GLDC: variants seen among roughly 807,000 people sequenced by gnomAD.
GLDC encodes the protein glycine decarboxylase.
A neutral mutation model predicts 121.3 loss-of-function variants in GLDC; 104 were observed. The ratio of observed to expected loss-of-function variants is 0.86; its 90% CI spans 0.73 to 1.01. The LOEUF (loss-of-function observed/expected upper bound fraction) is 1.01. GLDC is among the 50% of genes least tolerant of loss of function. The pLI is 0.00. For synonymous variants in GLDC, 546 were observed against 480.6 expected (o/e 1.14, Z -1.78); for missense variants, 1,429 against 1,306.6 (o/e 1.09, Z -1.44).
intron 9 of GLDC, among the ~76,000 whole-genome samples, chr9:6,594,304 G>T (rs1247872848): frequency 6.6e-6 from 1 of 151,654 alleles, no homozygotes; most frequent in African/African-American, 2.4e-5. Context: ...TTCTATTAGG[G>T]TGTTCATCCT....
intron 15 of GLDC, among the ~76,000 whole-genome samples, chr9:6,569,953 G>A (rs964154974): frequency 6.6e-6 from 1 of 152,186 alleles, no homozygotes. Context: ...TCCAGCCTGG[G>A]CCACAGAGTG....
At chr9:6,583,154 G>A (rs1025390089) in intron 15 of GLDC, among the ~76,000 whole-genome samples, 6 of 151,998 alleles carry the variant, frequency 3.9e-5, no homozygotes, top group Admixed American at 1.3e-4. Flanking sequence ...AAGACAGTAC[G>A]GCGATTCCTC....
intron 16 of GLDC, among the ~76,000 whole-genome samples, chr9:6,560,953 C>T (rs1238798708): frequency 1.3e-5 from 2 of 152,136 alleles, no homozygotes; most frequent in Non-Finnish European, 1.5e-5. Context: ...ACAGAGGGAG[C>T]GGGAGATGTG....
intron 15 of GLDC, among the ~76,000 whole-genome samples, chr9:6,581,250 G>T (rs1266631109): frequency 6.6e-6 from 1 of 152,198 alleles, no homozygotes; most frequent in Non-Finnish European, 1.5e-5. Flanking sequence ...CAAATCGGAG[G>T]CATGTTCCAT....
intron 8 of GLDC, among the ~76,000 whole-genome samples, chr9:6,597,672 A>C (rs140031377): frequency 0.017 from 2,630 of 152,118 alleles, 71 homozygotes; most frequent in African/African-American, 0.06. Context: ...CATGGTGGCT[A>C]ACGCCTGTAA....
Position 6,588,701 on chromosome 9 carries a change from A to C in GLDC, c.1582T>G (p.Tyr528Asp). 1 of 1,608,024 alleles carries C rather than the reference A, an allele frequency of 6.2e-7. No homozygotes were observed. The highest frequency in any genetic ancestry group is 8.5e-7 in the Non-Finnish European group (1 of 1,174,404). The part of the protein sequence containing the change: ...PFLTHQVFNS[Y>D]HSETNIVRYM... ...CGGACAATGTTTGTTTCAGAGTGGT[A>C]GCTGTGAACACAAAACACAGAATTA... Residue 528 changes from tyrosine (Y) to aspartate (D), a missense_variant and splice_region_variant, in exon 13 of 25, where the codon TAC (tyrosine) becomes GAC (aspartate). Coordinates refer to ENST00000321612, the MANE Select transcript of GLDC (RefSeq NM_000170.3).
At chr9:6,630,566 A>C (rs970835626) in intron 2 of GLDC, among the ~76,000 whole-genome samples, 1 of 152,190 alleles carries the variant, frequency 6.6e-6, no homozygotes, top group Non-Finnish European at 1.5e-5. Flanking sequence ...CAATGTCACC[A>C]GTTTGAGAAA....
intron 2 of GLDC, among the ~76,000 whole-genome samples, chr9:6,635,027 C>G (rs560206033): frequency 6.6e-6 from 1 of 152,228 alleles, no homozygotes; most frequent in East Asian, 1.9e-4. Context: ...AACATTCTAA[C>G]CACATGGTCT....
At chr9:6,572,871 A>G (rs926496162) in intron 15 of GLDC, among the ~76,000 whole-genome samples, 3 of 152,204 alleles carry the variant, frequency 2.0e-5, no homozygotes, top group Non-Finnish European at 4.4e-5. Flanking sequence ...TAGGTGGCAC[A>G]TACTGTTAAA....
intron 3 of GLDC, among the ~76,000 whole-genome samples, chr9:6,613,934 A>AC (rs1297304408): frequency 6.6e-6 from 1 of 151,904 alleles, no homozygotes; most frequent in Non-Finnish European, 1.5e-5. Flanking sequence ...GTGACACCAC[A>AC]CCCAGCTAAA....
chr9:6,575,750 G>T (rs1313972597), intron 15 of GLDC, among the ~76,000 whole-genome samples: 1 of 152,162 alleles, frequency 6.6e-6, no homozygotes, highest in African/African-American at 2.4e-5. Flanking sequence ...ATCCATGGGA[G>T]GTGTTAATTA....
intron 4 of GLDC, among the ~76,000 whole-genome samples, chr9:6,607,310 C>A (rs980647920): frequency 1.3e-5 from 2 of 151,986 alleles, no homozygotes; most frequent in Non-Finnish European, 2.9e-5. Context: ...TGGACAGGTG[C>A]GGTGGCTCAC....
At chr9:6,620,565 C>T (rs950685989) in intron 2 of GLDC, among the ~76,000 whole-genome samples, 6 of 151,676 alleles carry the variant, frequency 4.0e-5, no homozygotes, top group South Asian at 2.1e-4. Context: ...GTTCCTTATT[C>T]GGTTCTGTTT....
At chr9:6,622,476 G>A (rs890024744) in intron 2 of GLDC, among the ~76,000 whole-genome samples, 3 of 151,828 alleles carry the variant, frequency 2.0e-5, no homozygotes, top group South Asian at 4.2e-4. Context: ...GCTCCTAACC[G>A]CGAGTGATCC....
At chr9:6,616,839 T>A (rs73402968) in intron 3 of GLDC, among the ~76,000 whole-genome samples, 5,518 of 152,302 alleles carry the variant, frequency 0.036, 324 homozygotes, top group African/African-American at 0.12. Flanking sequence ...GGCTGTGACT[T>A]TCTTTTGGAA....
chr9:6,644,057 A>AAAAACG (rs1819686892), intron 2 of GLDC, among the ~76,000 whole-genome samples: 1 of 147,228 alleles, frequency 6.8e-6, no homozygotes, highest in African/African-American at 2.5e-5. Flanking sequence ...AAAACGAAAA[A>AAAAACG]AAAAAGAAAA....
intron 2 of GLDC, among the ~76,000 whole-genome samples, chr9:6,629,921 G>A (rs1819326081): frequency 9.4e-6 from 1 of 106,668 alleles, no homozygotes; most frequent in Admixed American, 1.0e-4. Flanking sequence ...AGGGAGGCTT[G>A]CTTTTCACTA....
intron 21 of GLDC, among the ~76,000 whole-genome samples, chr9:6,546,119 A>T (rs1487229856): frequency 1.3e-5 from 2 of 152,044 alleles, no homozygotes; most frequent in Non-Finnish European, 2.9e-5. Context: ...CTTTTTTGTT[A>T]AAAACTAAGA....
intron 21 of GLDC, among the ~76,000 whole-genome samples, chr9:6,544,022 C>T (rs986545362): frequency 6.6e-6 from 1 of 152,126 alleles, no homozygotes; most frequent in Non-Finnish European, 1.5e-5. Flanking sequence ...AATAGGGCTG[C>T]TCAAAACCCT....
Sources: allele counts gnomAD v4.1 joint callset (sites outside exome capture counted in the v4.1 genomes callset), GRCh38; gene constraint gnomAD v4.1.1; transcripts MANE v1.5; gene names NCBI Gene and HGNC (gene_info 2026-07-23, HGNC 2026-07-21).